The following CTNNBIP1 variants were observed in gnomAD, a reference collection of about 807,000 sequenced individuals.
CTNNBIP1 encodes beta-catenin-interacting protein 1.
In CTNNBIP1, 7 loss-of-function variants were observed where a neutral mutation model predicts 11.8. The ratio of observed to expected loss-of-function variants is 0.60; its 90% CI spans 0.34 to 1.12. The LOEUF (loss-of-function observed/expected upper bound fraction) is 1.12. Among genes scored for constraint, CTNNBIP1 ranks in the 50% most tolerant of loss-of-function variants. The pLI is 0.03. For missense variants in CTNNBIP1, 101 were observed against 113.4 expected, an observed-to-expected ratio of 0.89 and a Z score of 0.50; for synonymous variants, 58 against 43.9, an observed-to-expected ratio of 1.32 and a Z score of -1.26.
At chr1:9,875,261 G>C (rs902068447) in intron 3 of CTNNBIP1, among the ~76,000 whole-genome samples, 1 of 152,144 alleles carries the variant, frequency 6.6e-6, no homozygotes, top group Non-Finnish European at 1.5e-5. Flanking sequence ...CATTCAGAGA[G>C]CCACCCCTGC....
chr1:9,853,998 C>T (rs184236933), intron 5 of CTNNBIP1, among the ~76,000 whole-genome samples: 130 of 152,306 alleles, frequency 8.5e-4, no homozygotes, highest in Middle Eastern at 3.4e-3. Flanking sequence ...ATCTGAAAAT[C>T]AATGACTGTA....
chr1:9,888,667 C>T (rs1036534781), intron 1 of CTNNBIP1, among the ~76,000 whole-genome samples: 7 of 152,218 alleles, frequency 4.6e-5, no homozygotes, highest in Admixed American at 3.9e-4. Flanking sequence ...CCACAGCTAG[C>T]CCTCCTCCAG....
Position 9,854,429 on chromosome 1 carries a change from C to T in CTNNBIP1, c.188-3653G>A, listed in dbSNP as rs114855455. Reference sequence around the variant, plus strand: ...AAGAGAACAACCTCTATCTGATAAACGGCATCTATGAAAATCCCACAGCTC... The same window carrying T: ...AAGAGAACAACCTCTATCTGATAAATGGCATCTATGAAAATCCCACAGCTC... On this transcript the variant is annotated intron_variant, in intron 5 of 5. Coordinates refer to ENST00000377263, the MANE Select transcript of CTNNBIP1 (RefSeq NM_020248.3). Among the ~76,000 whole-genome samples the T allele has an allele frequency of 9.2e-3, 1,378 of 150,358 alleles. 20 individuals are homozygous for T. The highest frequency in any genetic ancestry group is 0.031 in the African/African-American group (1,256 of 40,946).
At chr1:9,885,512 C>T (rs1370857073) in intron 1 of CTNNBIP1, among the ~76,000 whole-genome samples, 8 of 151,958 alleles carry the variant, frequency 5.3e-5, no homozygotes, top group African/African-American at 7.3e-5. Flanking sequence ...GGTGTGGTGG[C>T]GTGCACTTGC....
chr1:9,857,883 G>C (rs1638542341), intron 5 of CTNNBIP1, among the ~76,000 whole-genome samples: 1 of 152,184 alleles, frequency 6.6e-6, no homozygotes, highest in African/African-American at 2.4e-5. Context: ...AGACAGATGA[G>C]AACAAGTGTT....
intron 1 of CTNNBIP1, among the ~76,000 whole-genome samples, chr1:9,889,406 G>A (rs1639250372): frequency 6.6e-6 from 1 of 152,130 alleles, no homozygotes; most frequent in Non-Finnish European, 1.5e-5. Context: ...CCAGCCCCAC[G>A]TCTGGAGAGC....
chr1:9,863,864 C>A (rs1638685541), intron 5 of CTNNBIP1, among the ~76,000 whole-genome samples: 1 of 152,216 alleles, frequency 6.6e-6, no homozygotes, highest in Non-Finnish European at 1.5e-5. Flanking sequence ...TAGGGCAGGG[C>A]CGCTGAGGGG....
intron 1 of CTNNBIP1, among the ~76,000 whole-genome samples, chr1:9,903,447 A>C (rs1355091808): frequency 6.6e-6 from 1 of 152,276 alleles, no homozygotes; most frequent in East Asian, 1.9e-4. Flanking sequence ...AGGGGAGAAC[A>C]ATGTTTTTGT....
At position 9,896,068 on chromosome 1, in the gene CTNNBIP1, G is replaced by A. The variant is rs1639402727; in HGVS notation, c.-143-12330C>T. ...GGATCAAGGATCTCAGTTGTATTTG[G>A]TTCCCATGCTCTTCAACCTACTTAA... On this transcript the variant is annotated intron_variant, in intron 1 of 5. Coordinates refer to ENST00000377263, the MANE Select transcript of CTNNBIP1 (RefSeq NM_020248.3). 2.0e-5 allele frequency among the ~76,000 whole-genome samples: 3 copies of A among 152,122 alleles called. No homozygotes were observed. In the South Asian group the frequency reaches 6.2e-4, roughly 31 times the overall value.
rs536813445 is a variant in CTNNBIP1, at chr1:9,871,554, C to T, written c.97-277G>A. Among the ~76,000 whole-genome samples, 3 of 152,234 alleles carry T rather than the reference C, an allele frequency of 2.0e-5. No homozygotes were observed. Among genetic ancestry groups the T allele is most frequent in the South Asian group, 2.1e-4 (1 of 4,810 alleles). On this transcript the variant is annotated intron_variant, in intron 4 of 5. Transcript: ENST00000377263. The surrounding 1 kb of genome is among the most constrained non-coding windows in gnomAD (Gnocchi z 5.2). The stretch of plus-strand genomic sequence containing the variant: ...GCCAGTGGAAGACACAAGTCCTGCC[C>T]GGAAGGCTGAGGGGCGATTCCATGT...
chr1:9,862,490 G>A (rs565414491), intron 5 of CTNNBIP1, among the ~76,000 whole-genome samples: 2 of 152,322 alleles, frequency 1.3e-5, no homozygotes, highest in African/African-American at 4.8e-5. Flanking sequence ...CTGGGGCTAT[G>A]GCAGGGCCCA....
chr1:9,884,917 G>T (rs1320253607), intron 1 of CTNNBIP1, among the ~76,000 whole-genome samples: 2 of 152,156 alleles, frequency 1.3e-5, no homozygotes, highest in Non-Finnish European at 2.9e-5. Flanking sequence ...CCAGCACTGG[G>T]GTGGGGCTGC....
At chr1:9,901,209 G>A (rs1285728374) in intron 1 of CTNNBIP1, among the ~76,000 whole-genome samples, 6 of 152,206 alleles carry the variant, frequency 3.9e-5, no homozygotes, top group Non-Finnish European at 8.8e-5. Flanking sequence ...TCATATTCCT[G>A]CAGCAGAAGG....
intron 5 of CTNNBIP1, among the ~76,000 whole-genome samples, chr1:9,869,124 C>CTAG (rs1475579598): frequency 1.3e-5 from 2 of 151,668 alleles, no homozygotes; most frequent in Non-Finnish European, 2.9e-5. Context: ...CTCAGCCTCC[C>CTAG]TAGTAGCTAG....
chr1:9,908,754 T>C (rs1253817595), intron 1 of CTNNBIP1, among the ~76,000 whole-genome samples: 1 of 152,232 alleles, frequency 6.6e-6, no homozygotes, highest in East Asian at 1.9e-4. Context: ...TACTCACTTA[T>C]TGTCTGACTT....
intron 5 of CTNNBIP1, among the ~76,000 whole-genome samples, chr1:9,858,165 G>A (rs972001854): frequency 1.3e-5 from 2 of 152,150 alleles, no homozygotes; most frequent in Admixed American, 1.3e-4. Flanking sequence ...CCACCACCCT[G>A]GTCGGGGGTG....
Position 9,883,158 on chromosome 1 carries a change from TGGAA to T in CTNNBIP1, c.-110+543_-110+546del, listed in dbSNP as rs1219917110. ...GTCAGGGACCGGGGGAGCCTCTCTC[TGGAA>T]GGAAGTCCAACCTGCCAAGCGGAGG... On this transcript the variant is annotated intron_variant, in intron 2 of 5. Transcript: ENST00000377263. The surrounding 1 kb of genome is among the most constrained non-coding windows in gnomAD (Gnocchi z 5.6). Among the ~76,000 whole-genome samples, 1 of 151,998 alleles carries T rather than the reference TGGAA, an allele frequency of 6.6e-6. No individual in the cohort carries two copies. The highest frequency in any genetic ancestry group is 1.5e-5 in the Non-Finnish European group (1 of 67,968).
intron 1 of CTNNBIP1, among the ~76,000 whole-genome samples, chr1:9,899,737 G>A (rs1326385672): frequency 5.3e-5 from 8 of 149,620 alleles, no homozygotes; most frequent in African/African-American, 1.7e-4. Context: ...CCAGCCTGGC[G>A]ACAGAGCAAG....
At chr1:9,905,970 C>T (rs1639612583) in intron 1 of CTNNBIP1, among the ~76,000 whole-genome samples, 1 of 152,168 alleles carries the variant, frequency 6.6e-6, no homozygotes, top group African/African-American at 2.4e-5. Context: ...ACAAAAATCT[C>T]TGCTCTCAAA....
Sources: allele counts gnomAD v4.1 joint callset (sites outside exome capture counted in the v4.1 genomes callset), GRCh38; gene constraint gnomAD v4.1.1; non-coding constraint Gnocchi (gnomAD v3.1); transcripts MANE v1.5; gene names NCBI Gene and HGNC (gene_info 2026-07-23, HGNC 2026-07-21).